The following KAZN variants were observed in gnomAD, a reference collection of about 807,000 sequenced individuals.
KAZN encodes the protein kazrin, periplakin interacting protein.
A neutral mutation model predicts 87.4 loss-of-function variants in KAZN; 40 were observed. That is an observed-to-expected ratio of 0.46 (90% CI 0.36 to 0.60). The LOEUF (loss-of-function observed/expected upper bound fraction) is 0.60, where lower values mean the gene tolerates loss of function less well. Among genes scored for constraint, KAZN ranks in the 20% least tolerant of loss-of-function variants. The probability of loss-of-function intolerance (pLI) is 0.00; values close to 1 mark genes in which losing one functional copy is unlikely to be tolerated. For missense variants in KAZN, 898 were observed against 1,073.9 expected (o/e 0.84, Z 2.29); for synonymous variants, 466 against 458.3 (o/e 1.02, Z -0.22).
At chr1:14,382,306 A>G (rs1342789408) in intron 2 of KAZN, among the ~76,000 whole-genome samples, 1 of 152,102 alleles carries the variant, frequency 6.6e-6, no homozygotes, top group Non-Finnish European at 1.5e-5. Context: ...CTTCACAGAA[A>G]TAGAAGAAAC....
chr1:15,009,498 C>T (rs1335337649), intron 2 of KAZN, among the ~76,000 whole-genome samples: 1 of 152,196 alleles, frequency 6.6e-6, no homozygotes, highest in East Asian at 1.9e-4. Context: ...GGGAAACGTG[C>T]TTCCACAGCT....
chr1:14,092,894 C>A (rs753932949), intron 1 of KAZN, among the ~76,000 whole-genome samples: 1 of 152,112 alleles, frequency 6.6e-6, no homozygotes, highest in African/African-American at 2.4e-5. Flanking sequence ...ATGAAATAAT[C>A]GTATTTAGGA....
intron 1 of KAZN, among the ~76,000 whole-genome samples, chr1:14,052,361 AT>A (rs1203442066): frequency 6.6e-6 from 1 of 152,228 alleles, no homozygotes; most frequent in African/African-American, 2.4e-5. Flanking sequence ...CAAAAGAGAT[AT>A]TGGGCACTAT....
chr1:14,290,561 C>T (rs1005351041), intron 2 of KAZN, among the ~76,000 whole-genome samples: 10 of 152,186 alleles, frequency 6.6e-5, no homozygotes, highest in African/African-American at 2.4e-4. Context: ...ACTGTTTGTT[C>T]TAGTTAGCCA....
Position 13,901,128 on chromosome 1 carries a change from A to G in KAZN, c.91+7372A>G, listed in dbSNP as rs144113128. ...CAAGGCCAAGAACCGACCGGTTATAAAAACAGCCACCCCCCGTCCCCTCCA... is the reference window on the plus strand; with the variant it reads ...CAAGGCCAAGAACCGACCGGTTATAGAAACAGCCACCCCCCGTCCCCTCCA... On this transcript the variant is annotated intron_variant, in intron 1 of 16. Coordinates refer to the KAZN transcript ENST00000636203. 4.4e-3 allele frequency among the ~76,000 whole-genome samples: 676 copies of G among 152,272 alleles called. 7 individuals carry two copies. The Middle Eastern group carries it at 0.058, about 13-fold the overall frequency.
intron 1 of KAZN, among the ~76,000 whole-genome samples, chr1:13,985,157 A>AT (rs1350204753): frequency 2.0e-5 from 3 of 151,650 alleles, no homozygotes; most frequent in East Asian, 1.9e-4. Flanking sequence ...TATCTAGGGA[A>AT]ATTTTTTTTT....
intron 2 of KAZN, among the ~76,000 whole-genome samples, chr1:14,540,252 A>G (rs77039837): frequency 0.01 from 1,582 of 152,324 alleles, 10 homozygotes; most frequent in Non-Finnish European, 0.016. Context: ...CTGGCCTTCA[A>G]GCCAAATGCC....
At chr1:14,694,325 A>G (rs1443643571) in intron 1 of KAZN, among the ~76,000 whole-genome samples, 1 of 152,252 alleles carries the variant, frequency 6.6e-6, no homozygotes, top group Non-Finnish European at 1.5e-5. Context: ...AATGTCGAGA[A>G]AAGGAAGAAG....
intron 1 of KAZN, among the ~76,000 whole-genome samples, chr1:14,710,301 T>G (rs1229582597): frequency 6.6e-6 from 1 of 152,176 alleles, no homozygotes; most frequent in East Asian, 1.9e-4. Context: ...AGCTGCCCCG[T>G]GCTGGTCTTC....
intron 2 of KAZN, among the ~76,000 whole-genome samples, chr1:14,436,943 T>C (rs1666432342): frequency 6.6e-6 from 1 of 152,200 alleles, no homozygotes; most frequent in Non-Finnish European, 1.5e-5. Context: ...CAGCTGATTG[T>C]AGTTCATTTT....
intron 1 of KAZN, among the ~76,000 whole-genome samples, chr1:14,810,405 G>T (rs1368826718): frequency 2.0e-5 from 3 of 152,118 alleles, no homozygotes; most frequent in African/African-American, 7.2e-5. Flanking sequence ...GCCTGGACCA[G>T]ATCTGCCTTC....
chr1:13,972,491 C>T (rs960825509), intron 1 of KAZN, among the ~76,000 whole-genome samples: 1 of 152,130 alleles, frequency 6.6e-6, no homozygotes, highest in Non-Finnish European at 1.5e-5. Flanking sequence ...TCTGTGCTGC[C>T]AGAGCACAGG....
chr1:14,429,587 G>A (rs1297996477), intron 2 of KAZN, among the ~76,000 whole-genome samples: 1 of 152,140 alleles, frequency 6.6e-6, no homozygotes, highest in African/African-American at 2.4e-5. Flanking sequence ...CACAAAAGGG[G>A]AGCGTCTTTC....
At chr1:14,164,454 T>TTGTGTGTGTGTGTGTGTGTG (rs59816103) in intron 1 of KAZN, among the ~76,000 whole-genome samples, 9 of 144,734 alleles carry the variant, frequency 6.2e-5, no homozygotes, top group African/African-American at 2.3e-4. Flanking sequence ...CACTATGGCT[T>TTGTGTGTGTGTGTGTGTGTG]TGTGTGTGTG....
At chr1:14,437,556 G>C (rs1243491053) in intron 2 of KAZN, among the ~76,000 whole-genome samples, 2 of 152,144 alleles carry the variant, frequency 1.3e-5, no homozygotes, top group Non-Finnish European at 2.9e-5. Context: ...TTTTCCAACA[G>C]GATCAATTTG....
Position 14,773,399 on chromosome 1 carries a change from A to T in KAZN, c.226+174176A>T, listed in dbSNP as rs1645076607. Among the ~76,000 whole-genome samples, 1 of 151,962 alleles carries T rather than the reference A, an allele frequency of 6.6e-6. No homozygotes were observed. ...GGCTTTCAACAACGCCCTCCACTCC[A>T]CGGGGTCTCCCTTCTTGTAGCATTT... On this transcript the variant is annotated intron_variant, in intron 1 of 14. Transcript: ENST00000376030. This position sits in a 1 kb window ranked among gnomAD's most constrained non-coding sequence, Gnocchi z 5.9.
intron 1 of KAZN, among the ~76,000 whole-genome samples, chr1:14,624,424 G>GAAAA (rs374913141): frequency 0.1 from 14,333 of 137,664 alleles, 2,400 homozygotes; most frequent in African/African-American, 0.36. Context: ...TCCGTCTCAA[G>GAAAA]AAAAAAAAAA....
At chr1:14,503,064 G>T (rs1670350740) in intron 2 of KAZN, among the ~76,000 whole-genome samples, 1 of 152,064 alleles carries the variant, frequency 6.6e-6, no homozygotes, top group Non-Finnish European at 1.5e-5. Context: ...TCCTGGGGCA[G>T]GTAGGTGGAA....
chr1:14,736,497 G>A (rs1643912854), intron 1 of KAZN, among the ~76,000 whole-genome samples: 1 of 128,408 alleles, frequency 7.8e-6, no homozygotes, highest in African/African-American at 3.0e-5. Context: ...TTTTAGTAGA[G>A]ACAAGGTTTC....
Sources: gnomAD v4.1 joint callset for allele counts (sites outside exome capture counted in the v4.1 genomes callset) on GRCh38, gnomAD v4.1.1 for gene constraint, Gnocchi (gnomAD v3.1) non-coding constraint, MANE v1.5 for transcripts, NCBI Gene and HGNC (gene_info 2026-07-23, HGNC 2026-07-21) for gene names.